PIK3R3: variants seen among roughly 807,000 people sequenced by gnomAD.
The protein encoded by PIK3R3 is phosphoinositide-3-kinase regulatory subunit 3.
Under a neutral mutation model 62.9 loss-of-function variants are expected in PIK3R3, and 64 were observed. The observed-to-expected ratio is 1.02, with a 90% CI of 0.83 to 1.25. The LOEUF (loss-of-function observed/expected upper bound fraction) is 1.25. PIK3R3 is among the 50% of genes most tolerant of loss of function. The probability of loss-of-function intolerance (pLI) is 0.00; values close to 1 mark genes in which losing one functional copy is unlikely to be tolerated. For synonymous variants in PIK3R3, 165 were observed against 189.0 expected (o/e 0.87, Z 1.04); for missense variants, 614 against 561.6 (o/e 1.09, Z -0.94).
chr1:46,158,914 C>T, the PIK3R3 span, among the ~76,000 whole-genome samples: 4 of 151,996 alleles, frequency 2.6e-5, no homozygotes, highest in Admixed American at 1.3e-4. Flanking sequence ...GGTGACACCC[C>T]GTCTCTACTA....
chr1:46,067,067 T>A lies in PIK3R3; in HGVS notation c.339A>T (p.Ile113=), dbSNP rs200819515. ...TLRKGGNNKL[I]KIYHRDGKYG... is the part of the protein sequence containing the mutation. ...ATTTACCATCCCGGTGATAGATCTT[T>A]ATTAACTTATTATTGCCTCCCTTCC... Residue 113 remains isoleucine (I), a synonymous_variant, in exon 4 of 10, where the codon ATA becomes ATT. Transcript: ENST00000262741. 6.3e-7 allele frequency: 1 copy of A among 1,578,542 alleles called. No individual in the cohort carries two copies. Among genetic ancestry groups the A allele is most frequent in the Non-Finnish European group, 8.6e-7 (1 of 1,164,740 alleles).
At chr1:46,146,870 G>A in the PIK3R3 span, among the ~76,000 whole-genome samples, 2 of 152,108 alleles carry the variant, frequency 1.3e-5, no homozygotes, top group South Asian at 4.1e-4. Context: ...TTCAAGACAG[G>A]AGCTTCCTGC....
chr1:46,151,812 C>T, the PIK3R3 span, among the ~76,000 whole-genome samples: 1 of 152,192 alleles, frequency 6.6e-6, no homozygotes, highest in Non-Finnish European at 1.5e-5. Flanking sequence ...CCCATGAAGT[C>T]TTCATGTATA....
At position 46,043,617 on chromosome 1, in the gene PIK3R3, C is replaced by G; in HGVS notation, c.*56G>C. 2 of 1,431,420 alleles carry G rather than the reference C, an allele frequency of 1.4e-6. No individual in the cohort carries two copies. Among genetic ancestry groups the G allele is most frequent in the Non-Finnish European group, 2.0e-6 (2 of 1,015,812 alleles). 88.7% of individuals were successfully genotyped at this position (1,431,420 alleles called of 1,614,324 possible). On this transcript the variant is annotated 3_prime_UTR_variant, in exon 10 of 10. Coordinates refer to ENST00000262741, the MANE Select transcript of PIK3R3 (RefSeq NM_003629.4). ...GTAGAAAGAATGCCCTCATCGTAGTCTAATAAAAACTGTAGAAAAAAATGC... is the reference window on the plus strand; with the variant it reads ...GTAGAAAGAATGCCCTCATCGTAGTGTAATAAAAACTGTAGAAAAAAATGC...
chr1:46,127,871 A>G (rs747060870), intron 1 of PIK3R3, among the ~76,000 whole-genome samples: 4 of 152,198 alleles, frequency 2.6e-5, no homozygotes, highest in South Asian at 2.1e-4. Flanking sequence ...CCAAAAATAA[A>G]AAGTTTTATG....
chr1:46,124,685 A>C (rs1008492419), intron 1 of PIK3R3, among the ~76,000 whole-genome samples: 4 of 151,594 alleles, frequency 2.6e-5, no homozygotes, highest in East Asian at 3.9e-4. Context: ...AATCCCAGCT[A>C]CTTGGGAGCC....
rs1036328354 is a variant in PIK3R3 at position 46,100,897 on chromosome 1, T to C, written c.107-20147A>G. ...TATAATGAGTATCTTTTTAAAAATA[T>C]ATTTTGTAGGCCAGGAACTGTGGCT... On this transcript the variant is annotated intron_variant, in intron 1 of 9. Coordinates refer to ENST00000262741, the MANE Select transcript of PIK3R3 (RefSeq NM_003629.4). Among the ~76,000 whole-genome samples the C allele has an allele frequency of 3.0e-4, 45 of 152,158 alleles. 1 individual carries two copies. Among genetic ancestry groups the C allele is most frequent in the Non-Finnish European group, 4.4e-5 (3 of 68,030 alleles).
intron 2 of PIK3R3, among the ~76,000 whole-genome samples, chr1:46,079,873 G>A (rs1650417185): frequency 7.0e-6 from 1 of 143,238 alleles, no homozygotes. Flanking sequence ...AGAATCGCTT[G>A]AACCCAAGAG....
At chr1:46,158,443 G>C in the PIK3R3 span, among the ~76,000 whole-genome samples, 77 of 152,142 alleles carry the variant, frequency 5.1e-4, no homozygotes, top group African/African-American at 1.7e-3. Context: ...CACCCTCAGA[G>C]GTCAGTCCAA....
intron 1 of PIK3R3, among the ~76,000 whole-genome samples, chr1:46,102,033 G>A (rs1652740028): frequency 7.7e-6 from 1 of 129,688 alleles, no homozygotes; most frequent in South Asian, 2.4e-4. Flanking sequence ...CGCCCAGGCT[G>A]GAGTGCAGTG....
chr1:46,071,650 C>T (rs1025139930), intron 3 of PIK3R3, among the ~76,000 whole-genome samples: 6 of 139,942 alleles, frequency 4.3e-5, no homozygotes, highest in Admixed American at 7.5e-5. Context: ...GCCAAGATTG[C>T]GCGCCATTAC....
the PIK3R3 span, among the ~76,000 whole-genome samples, chr1:46,154,901 AGTG>A: frequency 6.6e-6 from 1 of 152,216 alleles, no homozygotes. Flanking sequence ...CTTCCCTCAC[AGTG>A]CTAGCCAAAG....
intron 1 of PIK3R3, among the ~76,000 whole-genome samples, chr1:46,127,723 A>C (rs1655221016): frequency 6.6e-6 from 1 of 152,178 alleles, no homozygotes; most frequent in African/African-American, 2.4e-5. Flanking sequence ...CTACAATAAA[A>C]GTTTTGTTGT....
intron 6 of PIK3R3, among the ~76,000 whole-genome samples, chr1:46,058,899 T>C (rs1465012822): frequency 6.6e-6 from 1 of 152,186 alleles, no homozygotes; most frequent in Non-Finnish European, 1.5e-5. Flanking sequence ...AATGTAAAGA[T>C]AAAGGATTTG....
At chr1:46,079,096 C>T (rs1085243) in intron 2 of PIK3R3, among the ~76,000 whole-genome samples, 69,574 of 144,822 alleles carry the variant, frequency 0.48, 16,079 homozygotes, top group East Asian at 0.62. Context: ...TAGTTGAAAT[C>T]GTAAGGGTAA....
chr1:46,146,754 C>CACACACAG, the PIK3R3 span, among the ~76,000 whole-genome samples: 1 of 132,182 alleles, frequency 7.6e-6, no homozygotes, highest in Non-Finnish European at 1.7e-5. Flanking sequence ...CACACACACA[C>CACACACAG]AGCTTTGGTC....
Position 46,132,569 on chromosome 1 carries a change from G to T in PIK3R3, c.-617C>A. The T allele has an allele frequency of 7.8e-7, 1 of 1,284,416 alleles. No homozygotes were observed. Among genetic ancestry groups the T allele is most frequent in the Non-Finnish European group, 1.0e-6 (1 of 986,006 alleles). The allele number at this position is 1,284,416 out of a possible 1,614,324, so 79.6% of individuals were successfully genotyped here. ...AAGTCCAGTCAGCTCGGCTTGTCTG[G>T]GCGCTCCCGCCGGGGTGTAAGAACC... On this transcript the variant is annotated 5_prime_UTR_variant, in exon 1 of 10. Coordinates refer to ENST00000262741, the MANE Select transcript of PIK3R3 (RefSeq NM_003629.4).
At chr1:46,143,235 C>T in the PIK3R3 span, among the ~76,000 whole-genome samples, 4 of 152,294 alleles carry the variant, frequency 2.6e-5, no homozygotes, top group South Asian at 8.3e-4. Context: ...AAGATCACTG[C>T]TAATGGGTTA....
chr1:46,100,228 C>A (rs968757932), intron 1 of PIK3R3, among the ~76,000 whole-genome samples: 6 of 152,034 alleles, frequency 3.9e-5, no homozygotes, highest in African/African-American at 1.5e-4. Context: ...CCTTCCCTGC[C>A]CTAGTATCAT....
Sources: gnomAD v4.1 joint callset for allele counts (sites outside exome capture counted in the v4.1 genomes callset) on GRCh38, gnomAD v4.1.1 for gene constraint, MANE v1.5 for transcripts, NCBI Gene and HGNC (gene_info 2026-07-23, HGNC 2026-07-21) for gene names.